SENP7: variants seen among roughly 807,000 people sequenced by gnomAD.
SENP7 encodes the protein sentrin-specific protease 7.
A neutral mutation model predicts 141.2 loss-of-function variants in SENP7; 64 were observed. That is an observed-to-expected ratio of 0.45 (90% confidence interval 0.37 to 0.56). The LOEUF (loss-of-function observed/expected upper bound fraction) is 0.56, where lower values mean the gene tolerates loss of function less well. SENP7 is among the 20% of genes least tolerant of loss of function. The pLI is 0.00. For missense variants in SENP7, 1,025 were observed against 1,212.2 expected, an observed-to-expected ratio of 0.85 and a Z score of 2.29; for synonymous variants, 382 against 426.4, an observed-to-expected ratio of 0.90 and a Z score of 1.28.
chr3:101,444,452 T>A (rs369054584), intron 4 of SENP7, among the ~76,000 whole-genome samples: 3 of 151,998 alleles, frequency 2.0e-5, no homozygotes, highest in African/African-American at 4.8e-5. Flanking sequence ...CGTATGTTTA[T>A]TGCGGCATTA....
chr3:101,495,792 C>G (rs1043495610), intron 2 of SENP7, among the ~76,000 whole-genome samples: 2 of 152,122 alleles, frequency 1.3e-5, no homozygotes, highest in African/African-American at 4.8e-5. Context: ...TGGATGCTGG[C>G]CTTAATATCT....
intron 5 of SENP7, among the ~76,000 whole-genome samples, chr3:101,408,474 A>G (rs2061366329): frequency 6.6e-6 from 1 of 152,186 alleles, no homozygotes; most frequent in Admixed American, 6.5e-5. Context: ...AAGAAAGGAC[A>G]TTAAAAAAAG....
chr3:101,452,255 G>A (rs1222408765), intron 4 of SENP7, among the ~76,000 whole-genome samples: 1 of 152,172 alleles, frequency 6.6e-6, no homozygotes, highest in Non-Finnish European at 1.5e-5. Context: ...CTCATGGGTA[G>A]GAAGAATCAA....
intron 4 of SENP7, among the ~76,000 whole-genome samples, chr3:101,428,204 A>T (rs527609920): frequency 1.3e-5 from 2 of 152,222 alleles, no homozygotes; most frequent in African/African-American, 4.8e-5. Flanking sequence ...TCCTTTGGGT[A>T]TATACCCAGT....
chr3:101,448,360 G>C (rs1377055027), intron 4 of SENP7, among the ~76,000 whole-genome samples: 1 of 152,170 alleles, frequency 6.6e-6, no homozygotes, highest in Non-Finnish European at 1.5e-5. Context: ...TAAGGGACTT[G>C]TACCAAGAAA....
chr3:101,430,945 A>C (rs547333766), intron 4 of SENP7, among the ~76,000 whole-genome samples: 2 of 152,340 alleles, frequency 1.3e-5, no homozygotes, highest in East Asian at 3.9e-4. Flanking sequence ...TTTACCCAGC[A>C]GTCATTCAGG....
chr3:101,510,786 G>A (rs2065820667), intron 1 of SENP7, among the ~76,000 whole-genome samples: 1 of 142,520 alleles, frequency 7.0e-6, no homozygotes. Context: ...CTGGGAGGCA[G>A]GGGTGGTAGA....
chr3:101,434,948 CCAAA>C (rs754107570), intron 4 of SENP7, among the ~76,000 whole-genome samples: 52 of 152,000 alleles, frequency 3.4e-4, no homozygotes, highest in Non-Finnish European at 6.2e-4. Context: ...AACACCAAAA[CCAAA>C]CAAAGAAACA....
intron 6 of SENP7, among the ~76,000 whole-genome samples, chr3:101,380,436 C>CG (rs1559744943): frequency 2.9e-4 from 3 of 10,520 alleles, no homozygotes; most frequent in South Asian, 9.2e-3. Context: ...CAAACCACCG[C>CG]CCCCCCCCCC....
At position 101,348,047 on chromosome 3, in the gene SENP7, G is replaced by C; in HGVS notation, c.1662C>G (p.Ser554=). 1 of 1,563,834 alleles carries C rather than the reference G, an allele frequency of 6.4e-7. No homozygotes were observed. Among genetic ancestry groups the C allele is most frequent in the East Asian group, 2.3e-5 (1 of 43,328 alleles). ...KKYIKIPFQV[S]LNEISLLVDT... is the part of the protein sequence containing the mutation. ...CCACTAGCAATGAAATCTCATTCAG[G>C]GACACTGAAACAAATAAAAGACAAC... The change falls in exon 13 of 24, where the codon TCC becomes TCG. Residue 554 remains serine, a synonymous_variant. Transcript: ENST00000394095.
Position 101,471,232 on chromosome 3 carries a change from C to T in SENP7, c.187-12180G>A, listed in dbSNP as rs568961681. ...AAAAAGAACAAAGCTGGAGGCATCACACTACCTGACTTCAAACTATACTAC... is the reference window on the plus strand; with the variant it reads ...AAAAAGAACAAAGCTGGAGGCATCATACTACCTGACTTCAAACTATACTAC... On this transcript the variant is annotated intron_variant, in intron 3 of 23. Coordinates refer to ENST00000394095, the MANE Select transcript of SENP7 (RefSeq NM_020654.5). Among the ~76,000 whole-genome samples, 12 of 152,260 alleles carry T rather than the reference C, an allele frequency of 7.9e-5. 1 individual carries two copies. In the South Asian group the frequency reaches 2.3e-3, roughly 29 times the overall value.
intron 3 of SENP7, among the ~76,000 whole-genome samples, chr3:101,466,354 T>C (rs1374902712): frequency 6.6e-6 from 1 of 152,042 alleles, no homozygotes; most frequent in East Asian, 1.9e-4. Context: ...GACACAATTC[T>C]AAAAATAGCA....
chr3:101,355,978 G>C (rs114996448), intron 11 of SENP7, among the ~76,000 whole-genome samples: 22 of 152,040 alleles, frequency 1.4e-4, no homozygotes, highest in African/African-American at 5.1e-4. Flanking sequence ...GCAATTGTGA[G>C]TGGGATTGCA....
At chr3:101,428,179 T>C (rs2062029116) in intron 4 of SENP7, among the ~76,000 whole-genome samples, 1 of 152,184 alleles carries the variant, frequency 6.6e-6, no homozygotes, top group African/African-American at 2.4e-5. Context: ...GTCTTTACAG[T>C]AGAATGATCT....
In SENP7 at chr3:101,451,842, T is replaced by A. The variant is rs540316701; in HGVS notation, c.284+7113A>T. ...CTCTCTCACCACTCCTATTCAACAT[T>A]GTGTTGGAAGTTCTGGCCAGGGCAA... On this transcript the variant is annotated intron_variant, in intron 4 of 23. Transcript: ENST00000394095. 5.1e-3 allele frequency among the ~76,000 whole-genome samples: 773 copies of A among 152,178 alleles called. 4 individuals carry two copies. Among genetic ancestry groups the A allele is most frequent in the African/African-American group, 0.018 (729 of 41,530 alleles).
intron 5 of SENP7, among the ~76,000 whole-genome samples, chr3:101,407,760 T>C (rs1351772846): frequency 6.6e-6 from 1 of 152,048 alleles, no homozygotes; most frequent in Non-Finnish European, 1.5e-5. Flanking sequence ...ACACAACCTA[T>C]CAAAACCTCT....
intron 3 of SENP7, among the ~76,000 whole-genome samples, chr3:101,463,332 C>T (rs2063612095): frequency 7.8e-6 from 1 of 128,098 alleles, no homozygotes; most frequent in Non-Finnish European, 1.7e-5. Context: ...CTCGGTGACA[C>T]AGCAAAACCA....
At chr3:101,483,478 G>A (rs997003534) in intron 3 of SENP7, among the ~76,000 whole-genome samples, 1 of 152,094 alleles carries the variant, frequency 6.6e-6, no homozygotes, top group Admixed American at 6.5e-5. Flanking sequence ...GGGAATAAAG[G>A]GGGTGGGAAA....
At chr3:101,419,077 T>C (rs1164137257) in intron 4 of SENP7, among the ~76,000 whole-genome samples, 1 of 152,188 alleles carries the variant, frequency 6.6e-6, no homozygotes, top group Non-Finnish European at 1.5e-5. Flanking sequence ...GCACTTCTTC[T>C]GAGCCAAGTT....
Sources: allele counts gnomAD v4.1 joint callset (sites outside exome capture counted in the v4.1 genomes callset), GRCh38; gene constraint gnomAD v4.1.1; transcripts MANE v1.5; gene names NCBI Gene and HGNC (gene_info 2026-07-23, HGNC 2026-07-21).